Variants in SAMMSON observed in about 807,000 individuals in gnomAD.
The protein encoded by SAMMSON is long intergenic non-protein coding RNA 1212.
intron 4 of SAMMSON, among the ~76,000 whole-genome samples, chr3:70,243,480 T>C (rs1701679704): frequency 6.6e-6 from 1 of 152,190 alleles, no homozygotes; most frequent in Non-Finnish European, 1.5e-5. Flanking sequence ...GCACTGCTGC[T>C]GAATGTGATG....
intron 7 of SAMMSON, among the ~76,000 whole-genome samples, chr3:70,336,814 T>TTGTGTGTGTGTGTGTGTG (rs71126494): frequency 4.7e-5 from 6 of 126,656 alleles, no homozygotes; most frequent in Admixed American, 1.7e-4. Context: ...AATAGAAAGT[T>TTGTGTGTGTGTGTGTGTG]TGTGTGTGTG....
At chr3:70,206,723 T>C in intron 4 of SAMMSON, 3 of 397,852 alleles carry the variant, frequency 7.5e-6, no homozygotes, top group Non-Finnish European at 1.3e-5. Context: ...TGAAGTCAGA[T>C]ACTGAATTTA....
intron 4 of SAMMSON, among the ~76,000 whole-genome samples, chr3:70,157,815 A>G (rs2067597675): frequency 6.6e-6 from 1 of 152,128 alleles, no homozygotes; most frequent in Admixed American, 6.5e-5. Flanking sequence ...TATTGACCCA[A>G]TTTTACAGAT....
chr3:70,281,001 G>A (rs533047178), intron 6 of SAMMSON, among the ~76,000 whole-genome samples: 23 of 152,242 alleles, frequency 1.5e-4, no homozygotes, highest in South Asian at 4.1e-4. Flanking sequence ...TTAAACTTAC[G>A]TATAAAAAAA....
At chr3:70,433,480 T>G (rs896320290) in intron 2 of SAMMSON, among the ~76,000 whole-genome samples, 10 of 152,126 alleles carry the variant, frequency 6.6e-5, no homozygotes, top group African/African-American at 2.4e-4. Flanking sequence ...TGTTTAGATC[T>G]TTTGCCTGTT....
At chr3:70,184,873 C>A (rs138765205) in intron 4 of SAMMSON, among the ~76,000 whole-genome samples, 2 of 152,312 alleles carry the variant, frequency 1.3e-5, no homozygotes, top group East Asian at 3.9e-4. Context: ...GGACTGTGTA[C>A]TGTTCTTAGC....
At chr3:70,274,209 T>C (rs571966244) in intron 6 of SAMMSON, among the ~76,000 whole-genome samples, 55 of 152,050 alleles carry the variant, frequency 3.6e-4, no homozygotes, top group Admixed American at 7.2e-4. Flanking sequence ...TGTGTGTTTG[T>C]AGAGAAAGAC....
chr3:70,043,375 G>A (rs1054436657), intron 3 of SAMMSON, among the ~76,000 whole-genome samples: 2 of 151,830 alleles, frequency 1.3e-5, no homozygotes, highest in African/African-American at 2.4e-5. Flanking sequence ...TCATTTTTAC[G>A]TTAGTTCATT....
intron 3 of SAMMSON, among the ~76,000 whole-genome samples, chr3:70,016,180 G>A (rs575771563): frequency 1.3e-4 from 20 of 152,202 alleles, no homozygotes; most frequent in Non-Finnish European, 2.6e-4. Flanking sequence ...AGTCCCACCA[G>A]CAGTGTAAAA....
chr3:70,416,011 A>G (rs775629510), intron 2 of SAMMSON, among the ~76,000 whole-genome samples: 12 of 152,198 alleles, frequency 7.9e-5, no homozygotes. Context: ...ATTATTCATA[A>G]GCTTTAGATA....
At chr3:70,336,814 TTGTGTGTGTGTGTGTG>T (rs71126494) in intron 7 of SAMMSON, among the ~76,000 whole-genome samples, 35 of 126,666 alleles carry the variant, frequency 2.8e-4, no homozygotes, top group African/African-American at 8.3e-4. Context: ...AATAGAAAGT[TTGTGTGTGTGTGTGTG>T]TGTGTGTGTG....
rs571931409 is a variant in SAMMSON, at chr3:70,361,034, C to T, written n.913+2710C>T. 2.6e-4 allele frequency among the ~76,000 whole-genome samples: 40 copies of T among 152,238 alleles called. No homozygotes were observed. In the South Asian group the frequency reaches 7.9e-3, roughly 30 times the overall value. ...ATATGAGGTAGGTACTTAACCATCC[C>T]TGTATTACAGATAAGAAAACTCAGC... On this transcript the variant is annotated intron_variant and non_coding_transcript_variant, in intron 9 of 9. Transcript: ENST00000642114.
chr3:70,361,917 A>G (rs913273924), intron 9 of SAMMSON, among the ~76,000 whole-genome samples: 1 of 152,220 alleles, frequency 6.6e-6, no homozygotes, highest in African/African-American at 2.4e-5. Context: ...TGAGGATACT[A>G]CAGGATTACC....
chr3:70,050,765 G>A (rs1249407584), intron 3 of SAMMSON, among the ~76,000 whole-genome samples: 1 of 151,992 alleles, frequency 6.6e-6, no homozygotes, highest in Non-Finnish European at 1.5e-5. Context: ...GTTTGGAGAG[G>A]CGGAGGCATA....
At chr3:70,425,791 CTTT>C (rs1171164267) in intron 2 of SAMMSON, among the ~76,000 whole-genome samples, 1 of 150,302 alleles carries the variant, frequency 6.7e-6, no homozygotes, top group Non-Finnish European at 1.5e-5. Context: ...AGTTCCTTTT[CTTT>C]GAGACCCCTG....
At chr3:70,276,387 G>T (rs1005405507) in intron 6 of SAMMSON, among the ~76,000 whole-genome samples, 5 of 151,990 alleles carry the variant, frequency 3.3e-5, no homozygotes, top group African/African-American at 1.2e-4. Context: ...TAATTCTATT[G>T]TCTTGTGATT....
intron 6 of SAMMSON, among the ~76,000 whole-genome samples, chr3:70,281,246 A>G (rs1702079575): frequency 6.6e-6 from 1 of 152,094 alleles, no homozygotes; most frequent in African/African-American, 2.4e-5. Flanking sequence ...TTCTGCATAA[A>G]TTTCTTCAAG....
At chr3:70,395,803 T>A (rs1046141433) in intron 2 of SAMMSON, among the ~76,000 whole-genome samples, 1 of 152,074 alleles carries the variant, frequency 6.6e-6, no homozygotes, top group East Asian at 1.9e-4. Flanking sequence ...TGCTCTAAGT[T>A]CTAGCTGTGA....
intron 4 of SAMMSON, among the ~76,000 whole-genome samples, chr3:70,155,246 G>A (rs932995657): frequency 4.6e-5 from 7 of 151,872 alleles, no homozygotes; most frequent in Non-Finnish European, 8.8e-5. Context: ...TCACGACTCT[G>A]GGGGTTGGGG....
Sources: gnomAD v4.1 joint callset for allele counts (sites outside exome capture counted in the v4.1 genomes callset) on GRCh38, gnomAD v4.1.1 for gene constraint, MANE v1.5 for transcripts, NCBI Gene and HGNC (gene_info 2026-07-23, HGNC 2026-07-21) for gene names.